STX18: variants seen among roughly 807,000 people sequenced by gnomAD.
STX18 encodes syntaxin-18.
A neutral mutation model predicts 50.1 loss-of-function variants in STX18; 40 were observed. The observed-to-expected ratio is 0.80, with a 90% CI of 0.62 to 1.04. The LOEUF is 1.04. STX18 is among the 50% of genes least tolerant of loss of function. STX18 has a pLI of 0.00. For missense variants in STX18, 410 were observed against 415.8 expected, an observed-to-expected ratio of 0.99 and a Z score of 0.12; for synonymous variants, 158 against 151.8, an observed-to-expected ratio of 1.04 and a Z score of -0.30.
At chr4:4,458,827 T>C (rs1303579664) in intron 3 of STX18, among the ~76,000 whole-genome samples, 1 of 152,192 alleles carries the variant, frequency 6.6e-6, no homozygotes, top group East Asian at 1.9e-4. Flanking sequence ...GAGGGCTATA[T>C]GGCTCGGACG....
At chr4:4,447,558 T>G (rs1726483079) in intron 5 of STX18, among the ~76,000 whole-genome samples, 1 of 113,398 alleles carries the variant, frequency 8.8e-6, no homozygotes, top group Non-Finnish European at 1.7e-5. Flanking sequence ...GCCACTGCAC[T>G]CCAGCCTGGG....
intron 1 of STX18, among the ~76,000 whole-genome samples, chr4:4,541,096 T>G (rs770697563): frequency 6.6e-6 from 1 of 152,250 alleles, no homozygotes; most frequent in African/African-American, 2.4e-5. Flanking sequence ...GACAGCCATT[T>G]GTTCATTCAC....
chr4:4,508,227 T>C (rs1245211457), intron 1 of STX18, among the ~76,000 whole-genome samples: 1 of 152,202 alleles, frequency 6.6e-6, no homozygotes. Flanking sequence ...TTTTGTTTTT[T>C]GTCTGTTCAT....
chr4:4,452,006 A>G (rs1384468970), intron 5 of STX18, among the ~76,000 whole-genome samples: 1 of 152,236 alleles, frequency 6.6e-6, no homozygotes, highest in Admixed American at 6.5e-5. Context: ...AGGAAATTAA[A>G]GTGCTACTCC....
chr4:4,481,782 C>T (rs971253944), intron 1 of STX18: 1 of 152,268 alleles, frequency 6.6e-6, no homozygotes, highest in Non-Finnish European at 1.5e-5. Flanking sequence ...TATCCCTGTG[C>T]AAAAGAAGCT....
At chr4:4,528,736 G>C (rs1730934107) in intron 1 of STX18, among the ~76,000 whole-genome samples, 1 of 152,186 alleles carries the variant, frequency 6.6e-6, no homozygotes, top group African/African-American at 2.4e-5. Flanking sequence ...TCAAGCAGCA[G>C]GAAGGTGCCT....
At chr4:4,433,182 G>C (rs1185740213) in intron 7 of STX18, among the ~76,000 whole-genome samples, 1 of 152,218 alleles carries the variant, frequency 6.6e-6, no homozygotes, top group Non-Finnish European at 1.5e-5. Context: ...TGACTGGATT[G>C]TCATGAAGAT....
chr4:4,471,849 C>G, intron 1 of STX18, 143 bp from the exon 2 acceptor site: 1 of 574,518 alleles, frequency 1.7e-6, no homozygotes, highest in Admixed American at 3.8e-5. Context: ...GACTCTCGTA[C>G]AGTCACAAAT....
chr4:4,541,722 C>A (rs553254201), intron 1 of STX18, 75 bp downstream of exon 1: 2 of 1,518,858 alleles, frequency 1.3e-6, no homozygotes, highest in Non-Finnish European at 1.8e-6. Context: ...GGGACGGGGT[C>A]TGGTTTGGGG....
At chr4:4,423,670 A>C in intron 8 of STX18, 83 bp from the exon 9 acceptor site, 1 of 1,381,846 alleles carries the variant, frequency 7.2e-7, no homozygotes, top group Non-Finnish European at 1.0e-6. Context: ...AAGAAATCCT[A>C]TCTTCTACGT....
At position 4,426,940 on chromosome 4, in the gene STX18, G is replaced by A. The variant is rs140104215; in HGVS notation, c.703-1718C>T. Among the ~76,000 whole-genome samples, 247 of 152,216 alleles carry A rather than the reference G, an allele frequency of 1.6e-3. 2 individuals carry two copies. In the Middle Eastern group the frequency reaches 0.037, roughly 23 times the overall value. ...TTCCTGCCTGGCTGCAGAACTCCAC[G>A]TGGTCCCTCAAAACCCCAGGCATCT... On this transcript the variant is annotated intron_variant, in intron 7 of 10. Transcript: ENST00000306200.
intron 7 of STX18, chr4:4,426,725 C>T (rs971426034): frequency 4.6e-5 from 7 of 152,486 alleles, no homozygotes; most frequent in African/African-American, 1.4e-4. Context: ...CACATTCCAC[C>T]CTCACCGTTT....
chr4:4,469,570 C>A (rs759088357), intron 2 of STX18, among the ~76,000 whole-genome samples: 11 of 152,054 alleles, frequency 7.2e-5, no homozygotes, highest in Non-Finnish European at 1.3e-4. Flanking sequence ...AAAGGATATG[C>A]TTGTACCGCT....
At chr4:4,440,547 G>C (rs1190338873) in intron 5 of STX18, among the ~76,000 whole-genome samples, 2 of 152,174 alleles carry the variant, frequency 1.3e-5, no homozygotes, top group Non-Finnish European at 2.9e-5. Context: ...TTCTGTGGTC[G>C]AATCAGTCTG....
At chr4:4,479,459 T>G (rs1413297052) in intron 1 of STX18, among the ~76,000 whole-genome samples, 2 of 152,206 alleles carry the variant, frequency 1.3e-5, no homozygotes, top group Admixed American at 6.5e-5. Flanking sequence ...GAGATCTAAC[T>G]TGTTCAGGTG....
intron 5 of STX18, chr4:4,453,782 A>G: frequency 8.3e-6 from 4 of 481,992 alleles, no homozygotes; most frequent in Non-Finnish European, 1.1e-5. Context: ...GGACCCCCAA[A>G]GCAGGAGATG....
intron 3 of STX18, among the ~76,000 whole-genome samples, chr4:4,457,748 A>G (rs1205051757): frequency 2.0e-5 from 3 of 152,264 alleles, no homozygotes; most frequent in East Asian, 3.8e-4. Flanking sequence ...ACTTAAGGAT[A>G]GTATTTGACG....
At chr4:4,541,679 C>G (rs1483855373) in intron 1 of STX18, 118 bp downstream of exon 1, 32 of 1,208,130 alleles carry the variant, frequency 2.6e-5, no homozygotes, top group Non-Finnish European at 3.6e-5. Flanking sequence ...TCTTCTGTCC[C>G]CCTTAGAGCC....
chr4:4,527,476 A>G (rs1187036328), intron 1 of STX18, among the ~76,000 whole-genome samples: 4 of 152,188 alleles, frequency 2.6e-5, no homozygotes, highest in Non-Finnish European at 1.5e-5. Context: ...TGTTCATTAT[A>G]TAATTCCCTT....
Sources: gnomAD v4.1 joint callset for allele counts (sites outside exome capture counted in the v4.1 genomes callset) on GRCh38, gnomAD v4.1.1 for gene constraint, MANE v1.5 for transcripts, NCBI Gene and HGNC (gene_info 2026-07-23, HGNC 2026-07-21) for gene names.